The following IFT80 variants were observed in gnomAD, a reference collection of about 807,000 sequenced individuals.
IFT80 encodes the protein intraflagellar transport protein 80 homolog.
In IFT80, 79 loss-of-function variants were observed where a neutral mutation model predicts 107.9. The observed-to-expected ratio is 0.73, with a 90% CI of 0.61 to 0.88. The LOEUF is 0.88. Among genes scored for constraint, IFT80 ranks in the 40% least tolerant of loss-of-function variants. The pLI is 0.00. For missense variants in IFT80, 797 were observed against 914.2 expected (o/e 0.87, Z 1.65); for synonymous variants, 299 against 300.9 (o/e 0.99, Z 0.07).
At chr3:160,307,295 G>A (rs189657505) in intron 10 of IFT80, among the ~76,000 whole-genome samples, 373 of 152,150 alleles carry the variant, frequency 2.5e-3, no homozygotes, top group Non-Finnish European at 4.2e-3. Flanking sequence ...CCACAGGTGC[G>A]CACCTCCACA....
At chr3:160,278,301 C>T (rs1362418826) in intron 16 of IFT80, among the ~76,000 whole-genome samples, 1 of 152,172 alleles carries the variant, frequency 6.6e-6, no homozygotes, top group Non-Finnish European at 1.5e-5. Context: ...TTTTGCCAGC[C>T]ATCTGTACAG....
At chr3:160,294,533 C>T (rs141593468) in intron 12 of IFT80, among the ~76,000 whole-genome samples, 673 of 152,270 alleles carry the variant, frequency 4.4e-3, no homozygotes, top group African/African-American at 0.015. Flanking sequence ...CTTTTGGCAT[C>T]GCACTAACTC....
intron 8 of IFT80, among the ~76,000 whole-genome samples, chr3:160,333,525 T>C (rs1346980948): frequency 6.6e-6 from 1 of 152,198 alleles, no homozygotes; most frequent in Non-Finnish European, 1.5e-5. Flanking sequence ...TTTTTCTATC[T>C]TTAAAATTTT....
intron 1 of IFT80, among the ~76,000 whole-genome samples, chr3:160,391,309 T>C (rs779381428): frequency 3.5e-4 from 53 of 152,204 alleles, no homozygotes; most frequent in Non-Finnish European, 5.6e-4. Flanking sequence ...TAATAGTACG[T>C]ACCTAAGTTC....
At position 160,300,896 on chromosome 3, in the gene IFT80, T is replaced by C. The variant is rs756047692; in HGVS notation, c.1302A>G (p.Lys434=). The change falls in exon 12 of 20, where the codon AAA becomes AAG. Residue 434 remains lysine (K), a synonymous_variant. Coordinates refer to ENST00000326448, the MANE Select transcript of IFT80 (RefSeq NM_020800.3). ...AAATATACTTACTTTTTTCATCAGC[T>C]TTGTCTCTTATTGCTATGGTATCAT... ...LSNDTIAIRD[K]ADEKIIFLFE... 1.9e-6 allele frequency: 3 copies of C among 1,606,086 alleles called. No homozygotes were observed. The highest frequency in any genetic ancestry group is 2.6e-6 in the Non-Finnish European group (3 of 1,176,346).
In IFT80 at chr3:160,261,685, C is replaced by T. The variant is rs146528169; in HGVS notation, c.2224-3050G>A. On this transcript the variant is annotated intron_variant, in intron 19 of 19. Transcript: ENST00000326448. The stretch of plus-strand genomic sequence containing the variant: ...GCTTGGTGGCATTCATCTCTAGTCC[C>T]ATCTACTTAGAGGGCTCAGGTGAAA... Among the ~76,000 whole-genome samples, 200 of 150,426 alleles carry T rather than the reference C, an allele frequency of 1.3e-3. 1 individual carries two copies. The highest frequency in any genetic ancestry group is 4.6e-3 in the African/African-American group (188 of 40,806).
At chr3:160,374,215 G>C (rs901315674) in intron 5 of IFT80, among the ~76,000 whole-genome samples, 1 of 151,954 alleles carries the variant, frequency 6.6e-6, no homozygotes, top group Non-Finnish European at 1.5e-5. Context: ...GGAGGCTAAA[G>C]CAGGAGGATC....
At chr3:160,272,607 T>C (rs1175064984) in intron 18 of IFT80, among the ~76,000 whole-genome samples, 5 of 152,186 alleles carry the variant, frequency 3.3e-5, no homozygotes, top group Non-Finnish European at 5.9e-5. Context: ...AATATTGGTA[T>C]TCAGCAGATA....
Position 160,301,100 on chromosome 3 carries a change from GT to G in IFT80, c.1152-55del, listed in dbSNP as rs1328696550. The stretch of plus-strand genomic sequence containing the variant: ...TCAAACAGGAGTATACTTTATTTTT[GT>G]TTTCATATTACAGAATAGTTTATCC... On this transcript the variant is annotated intron_variant, in intron 11 of 19. Coordinates refer to ENST00000326448, the MANE Select transcript of IFT80 (RefSeq NM_020800.3). 14 of 1,432,710 alleles carry G rather than the reference GT, an allele frequency of 9.8e-6. No homozygotes were observed. In the East Asian group the frequency reaches 3.4e-4, roughly 34 times the overall value. The allele number at this position is 1,432,710 out of a possible 1,614,324, so 88.7% of individuals were successfully genotyped here.
intron 8 of IFT80, among the ~76,000 whole-genome samples, chr3:160,355,688 G>T (rs1721025611): frequency 6.6e-6 from 1 of 151,870 alleles, no homozygotes; most frequent in Non-Finnish European, 1.5e-5. Flanking sequence ...TCAGTGAAAG[G>T]TTAGAAAAAA....
At position 160,391,732 on chromosome 3, in the gene IFT80, T is replaced by G. The variant is rs557054582; in HGVS notation, c.-46-7086A>C. On this transcript the variant is annotated intron_variant, in intron 1 of 19. Coordinates refer to ENST00000326448, the MANE Select transcript of IFT80 (RefSeq NM_020800.3). ...AAATAAAAACTCGGAAGAGTGACACTCCCCATGCCATGCCATCAAGGCCAT... is the reference window on the plus strand; with the variant it reads ...AAATAAAAACTCGGAAGAGTGACACGCCCCATGCCATGCCATCAAGGCCAT... 2.6e-5 allele frequency: 4 copies of G among 152,134 alleles called. No homozygotes were observed. In the South Asian group the frequency reaches 8.3e-4, roughly 32 times the overall value. The allele number at this position is 152,134 out of a possible 1,614,324, so 9.4% of individuals were successfully genotyped here. A position where few individuals can be genotyped will look rare whatever the true frequency, so the allele number is the denominator to read the frequency against.
intron 9 of IFT80, among the ~76,000 whole-genome samples, chr3:160,318,664 C>G (rs941854640): frequency 6.6e-6 from 1 of 152,074 alleles, no homozygotes; most frequent in African/African-American, 2.4e-5. Flanking sequence ...ACATCCGAAC[C>G]TTCTTGTATT....
At chr3:160,260,342 C>G (rs1320262635) in intron 19 of IFT80, among the ~76,000 whole-genome samples, 1 of 152,196 alleles carries the variant, frequency 6.6e-6, no homozygotes, top group African/African-American at 2.4e-5. Context: ...CGGCAAAGCA[C>G]TCATTTCTAT....
In IFT80 at chr3:160,280,729, G is replaced by A; in HGVS notation, c.1602C>T (p.Tyr534=). The change falls in exon 15 of 20, where the codon TAC becomes TAT. Residue 534 remains tyrosine (Y), a synonymous_variant. Transcript: ENST00000326448. ...CTCTGTCCACATAAACTGTATTGGG[G>A]TAATACCACACTATAAATCGAGTAT... The part of the protein sequence containing the change: ...LQDTRFIVWY[Y]PNTVYVDRDI... 6.2e-7 allele frequency: 1 copy of A among 1,612,398 alleles called. No individual in the cohort carries two copies.
intron 18 of IFT80, among the ~76,000 whole-genome samples, chr3:160,276,962 G>A (rs934620682): frequency 6.6e-6 from 1 of 152,154 alleles, no homozygotes. Context: ...TTTAATCAAC[G>A]ATTATAACTT....
intron 1 of IFT80, among the ~76,000 whole-genome samples, chr3:160,393,855 A>T (rs1367020978): frequency 6.6e-6 from 1 of 152,202 alleles, no homozygotes; most frequent in African/African-American, 2.4e-5. Context: ...AATAGATAAG[A>T]AATTCAAGAG....
rs375589675 is a variant in IFT80 at position 160,381,773 on chromosome 3, A to G, written c.38-49T>C. 1.4e-5 allele frequency: 20 copies of G among 1,423,636 alleles called. No individual in the cohort carries two copies. In the African/African-American group the frequency reaches 2.1e-4, roughly 15 times the overall value. The allele number at this position is 1,423,636 out of a possible 1,614,324, so 88.2% of individuals were successfully genotyped here. ...AAAACATACAAAAGTCTTTAATCTTAATGAATAATTCACAGATGCAGATTA... is the reference window on the plus strand; with the variant it reads ...AAAACATACAAAAGTCTTTAATCTTGATGAATAATTCACAGATGCAGATTA... On this transcript the variant is annotated intron_variant, in intron 2 of 19. Transcript: ENST00000326448.
intron 1 of IFT80, among the ~76,000 whole-genome samples, chr3:160,393,859 T>C (rs915288900): frequency 1.3e-5 from 2 of 152,040 alleles, no homozygotes; most frequent in African/African-American, 4.8e-5. Flanking sequence ...GATAAGAAAT[T>C]CAAGAGCTAG....
chr3:160,377,396 T>A (rs759021701), intron 4 of IFT80, 34 bp downstream of exon 4: 1 of 1,244,334 alleles, frequency 8.0e-7, no homozygotes, highest in South Asian at 1.2e-5. Flanking sequence ...CTTTAAAATA[T>A]TCATTTCAAA....
Sources: gnomAD v4.1 joint callset for allele counts (sites outside exome capture counted in the v4.1 genomes callset) on GRCh38, gnomAD v4.1.1 for gene constraint, MANE v1.5 for transcripts, NCBI Gene and HGNC (gene_info 2026-07-23, HGNC 2026-07-21) for gene names.